The following ZNF407 variants were observed in gnomAD, a reference collection of about 807,000 sequenced individuals.
The protein encoded by ZNF407 is zinc finger protein 407.
A neutral mutation model predicts 131.2 loss-of-function variants in ZNF407; 17 were observed. That is an observed-to-expected ratio of 0.13 (90% CI 0.09 to 0.19). The LOEUF is 0.19. ZNF407 is among the 10% of genes least tolerant of loss of function. The pLI is 1.00. For synonymous variants in ZNF407, 1,156 were observed against 1,062.0 expected (o/e 1.09, Z -1.72); for missense variants, 2,681 against 2,830.6 (o/e 0.95, Z 1.20).
At chr18:74,731,880 T>G (rs535831184) in intron 3 of ZNF407, among the ~76,000 whole-genome samples, 1 of 152,182 alleles carries the variant, frequency 6.6e-6, no homozygotes, top group African/African-American at 2.4e-5. Context: ...CCAGGCCATT[T>G]TGACACTGGT....
intron 3 of ZNF407, among the ~76,000 whole-genome samples, chr18:74,723,805 G>A (rs1434196506): frequency 6.6e-6 from 1 of 151,988 alleles, no homozygotes; most frequent in East Asian, 1.9e-4. Flanking sequence ...GGAGGGTTTG[G>A]ATATATTTGC....
At chr18:74,603,694 G>GT (rs892752937) in intron 1 of ZNF407, among the ~76,000 whole-genome samples, 1 of 152,024 alleles carries the variant, frequency 6.6e-6, no homozygotes, top group Non-Finnish European at 1.5e-5. Context: ...AAGCATTTTT[G>GT]TTTTTTTGGT....
chr18:74,640,872 G>C, intron 2 of ZNF407, 136 bp from the exon 3 acceptor site: 1 of 640,254 alleles, frequency 1.6e-6, no homozygotes. Context: ...AGTTATAAAT[G>C]AATGCAAGTA....
At chr18:74,718,966 G>C (rs764478439) in intron 3 of ZNF407, among the ~76,000 whole-genome samples, 17 of 151,834 alleles carry the variant, frequency 1.1e-4, no homozygotes, top group Non-Finnish European at 1.9e-4. Context: ...GTCTTCTTGT[G>C]GTTACTGATT....
intron 3 of ZNF407, among the ~76,000 whole-genome samples, chr18:74,741,951 C>T (rs1441685356): frequency 6.6e-6 from 1 of 152,094 alleles, no homozygotes; most frequent in African/African-American, 2.4e-5. Context: ...CAAAGGAAAA[C>T]CAGTGTGGTT....
intron 3 of ZNF407, among the ~76,000 whole-genome samples, chr18:74,691,827 C>T (rs2144800422): frequency 6.6e-6 from 1 of 152,228 alleles, no homozygotes; most frequent in African/African-American, 2.4e-5. Flanking sequence ...AGTTTGTCAG[C>T]TCACGCCTGT....
At chr18:74,779,743 A>G (rs1439890268) in intron 3 of ZNF407, among the ~76,000 whole-genome samples, 3 of 152,144 alleles carry the variant, frequency 2.0e-5, no homozygotes, top group Non-Finnish European at 4.4e-5. Context: ...AAACCTAAGT[A>G]TTTTAATTAA....
chr18:74,944,581 A>C (rs1042782655), intron 8 of ZNF407, among the ~76,000 whole-genome samples: 15 of 152,238 alleles, frequency 9.9e-5, no homozygotes, highest in Admixed American at 2.0e-4. Context: ...ACTTGAATTC[A>C]GTATTTTAAT....
At chr18:74,864,356 C>G (rs1970980925) in intron 4 of ZNF407, among the ~76,000 whole-genome samples, 2 of 152,156 alleles carry the variant, frequency 1.3e-5, no homozygotes, top group Non-Finnish European at 1.5e-5. Context: ...TTTATTCTAA[C>G]TCGACTGACA....
chr18:74,638,205 T>A (rs563179875), intron 2 of ZNF407, among the ~76,000 whole-genome samples: 6 of 152,328 alleles, frequency 3.9e-5, no homozygotes, highest in Non-Finnish European at 8.8e-5. Flanking sequence ...TGGTAGTGTT[T>A]GTAGCTCAAT....
At chr18:75,028,764 G>A (rs934661464) in intron 8 of ZNF407, among the ~76,000 whole-genome samples, 1 of 152,166 alleles carries the variant, frequency 6.6e-6, no homozygotes, top group African/African-American at 2.4e-5. Context: ...GTGCCTTCGA[G>A]GGTGTATGCT....
At chr18:74,604,279 T>G (rs2144606383) in intron 1 of ZNF407, among the ~76,000 whole-genome samples, 1 of 152,336 alleles carries the variant, frequency 6.6e-6, no homozygotes, top group Admixed American at 6.5e-5. Context: ...TTGTTAGCTT[T>G]TGGTTTGCAT....
rs544965897 is a variant in ZNF407, at chr18:75,053,014, G to A, written c.5429-10136G>A. Among the ~76,000 whole-genome samples, 54 of 152,308 alleles carry A rather than the reference G, an allele frequency of 3.5e-4. No homozygotes were observed. The South Asian group carries it at 0.011, about 30-fold the overall frequency. On this transcript the variant is annotated intron_variant, in intron 8 of 8. Transcript: ENST00000299687. ...CTGCTAATAATTTTTTTAAAAGATA[G>A]TTTTCCTGTTTACGCCCTCTTGGAA...
rs184575655 is a variant in ZNF407 at position 74,708,291 on chromosome 18, A to G, written c.4802+67169A>G. Among the ~76,000 whole-genome samples, 531 of 152,336 alleles carry G rather than the reference A, an allele frequency of 3.5e-3. 4 individuals are homozygous for G. Among genetic ancestry groups the G allele is most frequent in the African/African-American group, 0.013 (520 of 41,570 alleles). ...ATATAATGACTTAGGCTTATAATGT[A>G]TCATTATACTATACTGAGGCATATG... is the stretch of plus-strand genomic sequence containing the variant. On this transcript the variant is annotated intron_variant, in intron 3 of 8. Coordinates refer to ENST00000299687, the MANE Select transcript of ZNF407 (RefSeq NM_017757.3).
At chr18:74,677,877 A>C (rs1314341891) in intron 3 of ZNF407, among the ~76,000 whole-genome samples, 1 of 152,038 alleles carries the variant, frequency 6.6e-6, no homozygotes, top group Non-Finnish European at 1.5e-5. Context: ...GCTGGAGTGC[A>C]GTGGCCGATT....
chr18:74,722,544 T>C (rs904352018), intron 3 of ZNF407, among the ~76,000 whole-genome samples: 1 of 152,120 alleles, frequency 6.6e-6, no homozygotes, highest in Non-Finnish European at 1.5e-5. Flanking sequence ...TCACCCCAGA[T>C]TTCTTCCTCC....
chr18:74,978,932 G>A (rs895146483), intron 8 of ZNF407, among the ~76,000 whole-genome samples: 16 of 152,256 alleles, frequency 1.1e-4, no homozygotes, highest in African/African-American at 3.8e-4. Flanking sequence ...AGGAACCATC[G>A]GGAGAGGCGT....
rs1973654646 is a variant in ZNF407, at chr18:75,062,892, T to C, written c.5429-258T>C. The C allele has an allele frequency of 1.4e-5, 5 of 352,622 alleles. No homozygotes were observed. The East Asian group carries it at 1.9e-4, about 13-fold the overall frequency. The allele number at this position is 352,622 out of a possible 1,614,324, so 21.8% of individuals were successfully genotyped here. A position where few individuals can be genotyped will look rare whatever the true frequency, so the allele number is the denominator to read the frequency against. On this transcript the variant is annotated intron_variant, in intron 8 of 8. Coordinates refer to ENST00000299687, the MANE Select transcript of ZNF407 (RefSeq NM_017757.3). ...AGGCGCACACCCCTGCAAAGAGTTG[T>C]ATTGGACAGCTCACAGGGCTGTGGG... is the stretch of plus-strand genomic sequence containing the variant.
intron 3 of ZNF407, among the ~76,000 whole-genome samples, chr18:74,741,052 T>G (rs1968537142): frequency 6.6e-6 from 1 of 152,100 alleles, no homozygotes; most frequent in South Asian, 2.1e-4. Flanking sequence ...TCACAGGAAG[T>G]TTGAGATTAT....
Sources: gnomAD v4.1 joint callset for allele counts (sites outside exome capture counted in the v4.1 genomes callset) on GRCh38, gnomAD v4.1.1 for gene constraint, MANE v1.5 for transcripts, NCBI Gene and HGNC (gene_info 2026-07-23, HGNC 2026-07-21) for gene names.